PLPPR1: variants seen among roughly 807,000 people sequenced by gnomAD.
PLPPR1 encodes phospholipid phosphatase-related protein type 1.
In PLPPR1, 10 loss-of-function variants were observed where a neutral mutation model predicts 33.1. The ratio of observed to expected loss-of-function variants is 0.30; its 90% confidence interval spans 0.19 to 0.51. PLPPR1 has a LOEUF of 0.51. Among genes scored for constraint, PLPPR1 ranks in the 20% least tolerant of loss-of-function variants. PLPPR1 has a pLI of 0.97. For missense variants in PLPPR1, 304 were observed against 408.1 expected, an observed-to-expected ratio of 0.74 and a Z score of 2.20; for synonymous variants, 151 against 151.0, an observed-to-expected ratio of 1.00 and a Z score of 0.00.
chr9:101,128,902 T>C (rs1326870972), intron 1 of PLPPR1, among the ~76,000 whole-genome samples: 1 of 152,184 alleles, frequency 6.6e-6, no homozygotes, highest in African/African-American at 2.4e-5. Flanking sequence ...CCTGTTGTTC[T>C]CTCAAAGTTG....
intron 1 of PLPPR1, among the ~76,000 whole-genome samples, chr9:101,052,663 A>G (rs1830235847): frequency 6.6e-6 from 1 of 152,190 alleles, no homozygotes. Context: ...ATAGAGGACA[A>G]GCCCCAATGT....
chr9:101,064,885 C>T (rs1330398088), intron 1 of PLPPR1, among the ~76,000 whole-genome samples: 1 of 151,856 alleles, frequency 6.6e-6, no homozygotes, highest in Non-Finnish European at 1.5e-5. Flanking sequence ...AACAGATCTA[C>T]TCTCGTGATA....
intron 4 of PLPPR1, 68 bp from the exon 5 acceptor site, chr9:101,309,143 T>A (rs1353788074): frequency 5.8e-6 from 9 of 1,548,082 alleles, no homozygotes; most frequent in Non-Finnish European, 8.0e-6. Context: ...ACCGCTGTTT[T>A]CTCTTAGGAG....
At chr9:101,212,806 T>C (rs1477351770) in intron 2 of PLPPR1, among the ~76,000 whole-genome samples, 1 of 152,178 alleles carries the variant, frequency 6.6e-6, no homozygotes, top group African/African-American at 2.4e-5. Flanking sequence ...TACAAGTGTA[T>C]GATGATGTTG....
At chr9:101,318,105 A>G (rs933596052) in intron 7 of PLPPR1, among the ~76,000 whole-genome samples, 3 of 151,968 alleles carry the variant, frequency 2.0e-5, no homozygotes, top group Non-Finnish European at 4.4e-5. Context: ...CCAAGGTGGG[A>G]GGATTGCTTG....
At chr9:101,078,123 A>G (rs1358589816) in intron 1 of PLPPR1, among the ~76,000 whole-genome samples, 412 of 10,370 alleles carry the variant, frequency 0.04, 62 homozygotes, top group Middle Eastern at 0.071. Context: ...GAAGAAGAAG[A>G]AGAAGAAGAA....
intron 1 of PLPPR1, among the ~76,000 whole-genome samples, chr9:101,150,521 CCTT>C (rs1480678889): frequency 1.3e-5 from 2 of 152,130 alleles, no homozygotes; most frequent in African/African-American, 4.8e-5. Flanking sequence ...ATGTCAAAAG[CCTT>C]CTCACAAAAT....
intron 1 of PLPPR1, among the ~76,000 whole-genome samples, chr9:101,063,305 G>A (rs576201): frequency 0.34 from 51,370 of 151,752 alleles, 9,277 homozygotes; most frequent in Non-Finnish European, 0.41. Flanking sequence ...AGGGTCTCAC[G>A]GTGAAGGTGA....
At chr9:101,185,705 C>G in intron 2 of PLPPR1, 148 bp downstream of exon 2, 1 of 555,336 alleles carries the variant, frequency 1.8e-6, no homozygotes, top group Non-Finnish European at 3.1e-6. Context: ...ATAAACTATG[C>G]AAAGTGTTTC....
intron 4 of PLPPR1, among the ~76,000 whole-genome samples, chr9:101,296,484 A>T (rs1828641887): frequency 6.6e-6 from 1 of 151,932 alleles, no homozygotes; most frequent in Admixed American, 6.5e-5. Context: ...ATGCTGCTAT[A>T]AAGACACATG....
chr9:101,223,828 A>C lies in PLPPR1; in HGVS notation c.63+38271A>C, dbSNP rs545776496. ...GTCTGAAGTATTTCTTCGTAGCTGCATGAGAACAAACCAATACAAATATAT... is the reference window on the plus strand; with the variant it reads ...GTCTGAAGTATTTCTTCGTAGCTGCCTGAGAACAAACCAATACAAATATAT... On this transcript the variant is annotated intron_variant, in intron 2 of 7. Coordinates refer to ENST00000374874, the MANE Select transcript of PLPPR1 (RefSeq NM_207299.2). Among the ~76,000 whole-genome samples the C allele has an allele frequency of 2.0e-5, 3 of 152,288 alleles. No individual in the cohort carries two copies. In the East Asian group the frequency reaches 5.8e-4, roughly 29 times the overall value.
intron 1 of PLPPR1, among the ~76,000 whole-genome samples, chr9:101,070,839 T>C (rs1830474737): frequency 6.6e-6 from 1 of 152,174 alleles, no homozygotes. Flanking sequence ...GTTTTTGTTC[T>C]GCATTGTATC....
rs377579036 is a variant in PLPPR1 at position 101,313,071 on chromosome 9, G to A, written c.813+97G>A. 6.0e-5 allele frequency: 63 copies of A among 1,050,566 alleles called. No homozygotes were observed. The East Asian group carries it at 6.2e-4, about 10-fold the overall frequency. The allele number at this position is 1,050,566 out of a possible 1,614,324, so 65.1% of individuals were successfully genotyped here. A position where few individuals can be genotyped will look rare whatever the true frequency, so the allele number is the denominator to read the frequency against. ...AGACTTCACCATCTGTGTTCCTTTC[G>A]TCCCAACCTTGTGAATTACAATTAT... On this transcript the variant is annotated intron_variant, in intron 6 of 7. Transcript: ENST00000374874.
intron 1 of PLPPR1, among the ~76,000 whole-genome samples, chr9:101,081,384 G>A (rs2486366): frequency 0.57 from 85,914 of 151,770 alleles, 24,381 homozygotes; most frequent in Non-Finnish European, 0.6. Context: ...TAGTAGAGAT[G>A]GGGTTTTACC....
chr9:101,282,325 A>G (rs1487536354), intron 3 of PLPPR1, among the ~76,000 whole-genome samples: 3 of 151,714 alleles, frequency 2.0e-5, no homozygotes, highest in Admixed American at 2.0e-4. Flanking sequence ...ATATATTTCA[A>G]TAAATGCAAA....
chr9:101,153,756 T>A (rs538721309), intron 1 of PLPPR1, among the ~76,000 whole-genome samples: 8 of 151,552 alleles, frequency 5.3e-5, no homozygotes, highest in African/African-American at 1.7e-4. Context: ...TTTGTATTTT[T>A]TTTTTTTTAG....
intron 1 of PLPPR1, among the ~76,000 whole-genome samples, chr9:101,143,057 A>G (rs938077077): frequency 2.0e-5 from 3 of 151,772 alleles, no homozygotes; most frequent in Non-Finnish European, 2.9e-5. Flanking sequence ...GAGAAAGTGG[A>G]TGGATCAATG....
chr9:101,243,627 T>C (rs1295267443), intron 2 of PLPPR1, among the ~76,000 whole-genome samples: 6 of 152,046 alleles, frequency 3.9e-5, no homozygotes, highest in African/African-American at 1.4e-4. Context: ...GGGAACATTA[T>C]GGTTCAGATT....
chr9:101,288,444 A>T (rs1828432665), intron 4 of PLPPR1, among the ~76,000 whole-genome samples: 1 of 152,192 alleles, frequency 6.6e-6, no homozygotes, highest in Non-Finnish European at 1.5e-5. Context: ...GCATCATGAG[A>T]TTCTGCTTCT....
Sources: allele counts gnomAD v4.1 joint callset (sites outside exome capture counted in the v4.1 genomes callset), GRCh38; gene constraint gnomAD v4.1.1; transcripts MANE v1.5; gene names NCBI Gene and HGNC (gene_info 2026-07-23, HGNC 2026-07-21).